Variants in DOCK3 observed in about 807,000 individuals in gnomAD.
DOCK3 encodes dedicator of cytokinesis protein 3.
In DOCK3, 60 loss-of-function variants were observed where a neutral mutation model predicts 265.6. That is an observed-to-expected ratio of 0.23 (90% CI 0.18 to 0.28). The LOEUF (loss-of-function observed/expected upper bound fraction) is 0.28, where lower values mean the gene tolerates loss of function less well. Ranked by LOEUF, DOCK3 falls within the 10% of genes least tolerant of loss-of-function variation. The pLI, the probability that DOCK3 is intolerant of heterozygous loss-of-function variation, is 1.00. For missense variants in DOCK3, 1,981 were observed against 2,594.3 expected, an observed-to-expected ratio of 0.76 and a Z score of 5.14; for synonymous variants, 881 against 938.0, an observed-to-expected ratio of 0.94 and a Z score of 1.11.
At chr3:51,268,908 T>C (rs1387999009) in intron 23 of DOCK3, among the ~76,000 whole-genome samples, 1 of 152,022 alleles carries the variant, frequency 6.6e-6, no homozygotes, top group Non-Finnish European at 1.5e-5. Context: ...TATGGAGAGA[T>C]TAGAGGTAGC....
chr3:50,805,995 A>G (rs1359942850), intron 2 of DOCK3, among the ~76,000 whole-genome samples: 1 of 151,844 alleles, frequency 6.6e-6, no homozygotes, highest in Non-Finnish European at 1.5e-5. Context: ...AGCCTGTGAC[A>G]TGGCTGCAGC....
At chr3:51,072,793 A>C (rs138068952) in intron 6 of DOCK3, among the ~76,000 whole-genome samples, 47 of 148,364 alleles carry the variant, frequency 3.2e-4, no homozygotes, top group Non-Finnish European at 6.0e-4. Flanking sequence ...ACAGCCTCAA[A>C]CTCCTGGCTC....
At chr3:51,289,369 G>A (rs1317878244) in intron 27 of DOCK3, among the ~76,000 whole-genome samples, 1 of 152,122 alleles carries the variant, frequency 6.6e-6, no homozygotes, top group Non-Finnish European at 1.5e-5. Context: ...ATTAGTATAA[G>A]ATGTTTTATG....
chr3:50,760,967 G>A (rs2040492452), intron 1 of DOCK3, among the ~76,000 whole-genome samples: 1 of 151,868 alleles, frequency 6.6e-6, no homozygotes, highest in Non-Finnish European at 1.5e-5. Context: ...ATTTTTAGTA[G>A]AAACGGGGTT....
intron 9 of DOCK3, among the ~76,000 whole-genome samples, chr3:51,128,597 G>A (rs2084372597): frequency 6.6e-6 from 1 of 152,196 alleles, no homozygotes; most frequent in African/African-American, 2.4e-5. Flanking sequence ...TTGCAGGATA[G>A]GCAAACCCAT....
chr3:50,743,275 A>C (rs556234601), intron 1 of DOCK3, among the ~76,000 whole-genome samples: 110 of 152,242 alleles, frequency 7.2e-4, no homozygotes, highest in African/African-American at 2.6e-3. Context: ...CTAGGAAGAA[A>C]CTGCATCAAC....
At chr3:50,679,761 A>G (rs995128835) in intron 1 of DOCK3, among the ~76,000 whole-genome samples, 1 of 152,216 alleles carries the variant, frequency 6.6e-6, no homozygotes, top group Non-Finnish European at 1.5e-5. Flanking sequence ...AAGGGCCCCA[A>G]TACCCCTTTA....
chr3:51,113,343 A>G (rs2083600198), intron 9 of DOCK3, among the ~76,000 whole-genome samples: 1 of 152,168 alleles, frequency 6.6e-6, no homozygotes. Context: ...TGAACATTTC[A>G]GGACCCCAGT....
intron 6 of DOCK3, among the ~76,000 whole-genome samples, chr3:51,068,354 C>G (rs1220270036): frequency 6.6e-6 from 1 of 151,824 alleles, no homozygotes; most frequent in African/African-American, 2.4e-5. Flanking sequence ...TCCTGGCTAA[C>G]ACGGTGAAAC....
intron 31 of DOCK3, among the ~76,000 whole-genome samples, chr3:51,313,384 T>C (rs970130536): frequency 3.9e-5 from 6 of 152,238 alleles, no homozygotes; most frequent in Non-Finnish European, 7.3e-5. Context: ...ACCAGTTGCA[T>C]GGAGTAACAT....
intron 32 of DOCK3, among the ~76,000 whole-genome samples, chr3:51,324,228 C>T (rs2083933904): frequency 6.6e-6 from 1 of 152,212 alleles, no homozygotes; most frequent in African/African-American, 2.4e-5. Flanking sequence ...TCAGCAAAGT[C>T]TCAAGATAAA....
chr3:50,805,688 A>G (rs1372743856), intron 2 of DOCK3, among the ~76,000 whole-genome samples: 5 of 151,810 alleles, frequency 3.3e-5, no homozygotes, highest in Admixed American at 3.3e-4. Flanking sequence ...AGCTTAGGAT[A>G]CAAGGCTACT....
chr3:51,051,057 G>GA (rs140891199), intron 5 of DOCK3, among the ~76,000 whole-genome samples: 39 of 151,970 alleles, frequency 2.6e-4, no homozygotes, highest in African/African-American at 8.7e-4. Flanking sequence ...TCACTTTTGA[G>GA]AAAAAAAATT....
At chr3:50,951,204 C>T (rs7629929) in intron 5 of DOCK3, among the ~76,000 whole-genome samples, 151,888 of 152,300 alleles carry the variant, frequency 1, 75,743 homozygotes, top group Middle Eastern at 1. Context: ...GAGTCTCACA[C>T]CTAGGAAGTA....
At chr3:51,019,003 A>G (rs1281114983) in intron 5 of DOCK3, among the ~76,000 whole-genome samples, 1 of 151,752 alleles carries the variant, frequency 6.6e-6, no homozygotes, top group Non-Finnish European at 1.5e-5. Flanking sequence ...GTGGGGTAAG[A>G]CTATAGGCAT....
intron 9 of DOCK3, among the ~76,000 whole-genome samples, chr3:51,130,816 T>C (rs1433588382): frequency 6.6e-6 from 1 of 152,152 alleles, no homozygotes; most frequent in East Asian, 1.9e-4. Flanking sequence ...CAAGCAATTC[T>C]CATGCCTCAG....
chr3:51,159,161 AAGCAAATGACT>A, intron 10 of DOCK3, 72 bp from the exon 11 acceptor site: 1 of 1,387,138 alleles, frequency 7.2e-7, no homozygotes, highest in Non-Finnish European at 1.0e-6. Context: ...CATACAGTAA[AAGCAAATGACT>A]AGAGATTCAA....
chr3:51,158,793 C>T (rs2085986159), intron 10 of DOCK3, among the ~76,000 whole-genome samples: 1 of 152,162 alleles, frequency 6.6e-6, no homozygotes, highest in African/African-American at 2.4e-5. Context: ...GTGTAATAAT[C>T]ATTTGTGGAC....
intron 3 of DOCK3, among the ~76,000 whole-genome samples, chr3:50,855,953 T>C (rs1575368404): frequency 1.3e-5 from 2 of 152,252 alleles, no homozygotes; most frequent in African/African-American, 4.8e-5. Context: ...TTTCTGTTCC[T>C]GTATGAGTTT....
Sources: allele counts gnomAD v4.1 joint callset (sites outside exome capture counted in the v4.1 genomes callset), GRCh38; gene constraint gnomAD v4.1.1; transcripts MANE v1.5; gene names NCBI Gene and HGNC (gene_info 2026-07-23, HGNC 2026-07-21).